CAMK1G: variants seen among roughly 807,000 people sequenced by gnomAD.
CAMK1G encodes calcium/calmodulin-dependent protein kinase type 1G.
Under a neutral mutation model 54.8 loss-of-function variants are expected in CAMK1G, and 27 were observed. That is an observed-to-expected ratio of 0.49 (90% CI 0.36 to 0.68). The LOEUF is 0.68. CAMK1G is among the 30% of genes least tolerant of loss of function. The pLI is 0.00. For synonymous variants in CAMK1G, 238 were observed against 224.9 expected, an observed-to-expected ratio of 1.06 and a Z score of -0.52; for missense variants, 512 against 591.0, an observed-to-expected ratio of 0.87 and a Z score of 1.39.
intron 2 of CAMK1G, among the ~76,000 whole-genome samples, chr1:209,598,015 C>T (rs1250128887): frequency 6.6e-6 from 1 of 152,162 alleles, no homozygotes; most frequent in East Asian, 1.9e-4. Context: ...ATTGATACTC[C>T]CACATTTCAG....
intron 8 of CAMK1G, 98 bp from the exon 9 acceptor site, chr1:209,609,753 T>C (rs941627849): frequency 2.8e-5 from 33 of 1,183,404 alleles, no homozygotes; most frequent in Non-Finnish European, 4.0e-5. Context: ...GAAGATCAGC[T>C]AAAGATGCAT....
At chr1:209,611,080 GGC>G (rs1665768563) in intron 9 of CAMK1G, among the ~76,000 whole-genome samples, 1 of 152,142 alleles carries the variant, frequency 6.6e-6, no homozygotes, top group Non-Finnish European at 1.5e-5. Flanking sequence ...AAATATTTTA[GGC>G]TTTCCTGGCC....
intron 2 of CAMK1G, among the ~76,000 whole-genome samples, chr1:209,597,100 C>A (rs1029600379): frequency 8.5e-5 from 13 of 152,098 alleles, no homozygotes; most frequent in African/African-American, 2.9e-4. Flanking sequence ...ACCAGTATTC[C>A]CAGGCTGCAG....
At chr1:209,588,999 G>A (rs898330489) in intron 1 of CAMK1G, among the ~76,000 whole-genome samples, 4 of 152,148 alleles carry the variant, frequency 2.6e-5, no homozygotes, top group South Asian at 4.1e-4. Flanking sequence ...AAGAGGCCAG[G>A]AAGTTCATCC....
chr1:209,601,895 G>A (rs986287927), intron 3 of CAMK1G, among the ~76,000 whole-genome samples: 14 of 152,204 alleles, frequency 9.2e-5, no homozygotes, highest in Admixed American at 9.2e-4. Context: ...TTTGAAAACT[G>A]GAATAAGCCA....
chr1:209,603,729 A>G (rs1044940205), intron 4 of CAMK1G, among the ~76,000 whole-genome samples: 7 of 152,186 alleles, frequency 4.6e-5, no homozygotes, highest in African/African-American at 1.7e-4. Flanking sequence ...TGTTAATCAA[A>G]TTGGATAGTA....
At chr1:209,608,005 C>T in intron 7 of CAMK1G, 72 bp downstream of exon 7, 2 of 1,193,728 alleles carry the variant, frequency 1.7e-6, no homozygotes, top group Non-Finnish European at 2.4e-6. Context: ...CGTTCCCTCC[C>T]CTGTCTCAGC....
intron 2 of CAMK1G, among the ~76,000 whole-genome samples, chr1:209,598,803 G>A (rs1665450451): frequency 6.6e-6 from 1 of 152,048 alleles, no homozygotes; most frequent in Non-Finnish European, 1.5e-5. Context: ...TTAGAAAAAC[G>A]TTTCAAAAAT....
In CAMK1G at chr1:209,612,772, A is replaced by G. The variant is rs1665813857; in HGVS notation, c.1341-13A>G. On this transcript the variant is annotated splice_polypyrimidine_tract_variant and intron_variant, in intron 11 of 12. Coordinates refer to ENST00000361322, the MANE Select transcript of CAMK1G (RefSeq NM_020439.3). ...CAAATACTTCAAAGGTTGTTGCTTC[A>G]TTTCCTTTCTAGGAACTTCAAGTCG... The G allele has an allele frequency of 1.9e-6, 3 of 1,613,062 alleles. No individual in the cohort carries two copies. Among genetic ancestry groups the G allele is most frequent in the Non-Finnish European group, 2.5e-6 (3 of 1,179,166 alleles).
intron 4 of CAMK1G, among the ~76,000 whole-genome samples, chr1:209,604,135 G>T (rs1251350280): frequency 6.6e-6 from 1 of 152,188 alleles, no homozygotes; most frequent in African/African-American, 2.4e-5. Context: ...TTGGCTGATG[G>T]GCTGATTACT....
intron 3 of CAMK1G, among the ~76,000 whole-genome samples, chr1:209,601,916 T>C (rs914745195): frequency 4.6e-5 from 7 of 152,174 alleles, no homozygotes; most frequent in African/African-American, 1.4e-4. Flanking sequence ...GCTGAAGTTA[T>C]CTAATTGCCT....
intron 4 of CAMK1G, among the ~76,000 whole-genome samples, chr1:209,603,881 G>A (rs967910202): frequency 2.4e-4 from 37 of 152,318 alleles, no homozygotes; most frequent in African/African-American, 8.7e-4. Context: ...TCCATCTGTA[G>A]GACAGAAGTG....
chr1:209,609,630 G>A (rs1018171169), intron 8 of CAMK1G, among the ~76,000 whole-genome samples: 5 of 152,234 alleles, frequency 3.3e-5, no homozygotes, highest in Admixed American at 1.3e-4. Context: ...CTTCTGCAGT[G>A]CTGTGTGGGT....
At position 209,607,926 on chromosome 1, in the gene CAMK1G, T is replaced by C. The variant is rs768334520; in HGVS notation, c.628T>C (p.Tyr210His). ...VDCWSIGVIT[Y>H]ILLCGYPPFY... Reference sequence around the variant, plus strand: ...TTGCTGGTCCATCGGCGTCATCACCTACATATTGTGAGTAGACGCTGGCCT... The same window carrying C: ...TTGCTGGTCCATCGGCGTCATCACCCACATATTGTGAGTAGACGCTGGCCT... Residue 210 changes from tyrosine to histidine, a missense_variant, in exon 7 of 13, where the codon TAC (tyrosine) becomes CAC (histidine). Tyr to His is a moderately conservative substitution (Grantham distance 83, BLOSUM62 2). This residue lies in a region of CAMK1G where 11 missense variants were observed against 29.1 expected (regional missense o/e 0.38). Transcript: ENST00000361322. 1.2e-6 allele frequency: 2 copies of C among 1,612,608 alleles called. No individual in the cohort carries two copies. The highest frequency in any genetic ancestry group is 1.7e-6 in the Non-Finnish European group (2 of 1,178,966).
intron 7 of CAMK1G, 75 bp from the exon 8 acceptor site, chr1:209,608,905 C>G: frequency 6.3e-7 from 1 of 1,589,824 alleles, no homozygotes; most frequent in Non-Finnish European, 8.6e-7. Flanking sequence ...ACAGTGGGAG[C>G]TTGGGGGAGC....
At chr1:209,605,214 A>G (rs544900474) in intron 4 of CAMK1G, among the ~76,000 whole-genome samples, 1 of 152,334 alleles carries the variant, frequency 6.6e-6, no homozygotes, top group East Asian at 1.9e-4. Flanking sequence ...CCAGGAAGGA[A>G]GGTGGCTAAG....
intron 9 of CAMK1G, among the ~76,000 whole-genome samples, chr1:209,610,549 T>C (rs1266843614): frequency 6.6e-6 from 1 of 152,102 alleles, no homozygotes; most frequent in Admixed American, 6.6e-5. Context: ...TATATCTGTC[T>C]CACCCCACAT....
chr1:209,588,264 G>A (rs534187380), intron 1 of CAMK1G, among the ~76,000 whole-genome samples: 1 of 152,304 alleles, frequency 6.6e-6, no homozygotes, highest in Non-Finnish European at 1.5e-5. Context: ...CCTCTGGTTT[G>A]TCCATGCCCA....
chr1:209,600,082 C>T lies in CAMK1G; in HGVS notation c.192C>T (p.Ser64=), dbSNP rs370000409. Residue 64 remains serine (S), a synonymous_variant, in exon 3 of 13, where the codon AGC becomes AGT. Coordinates refer to ENST00000361322, the MANE Select transcript of CAMK1G (RefSeq NM_020439.3). ...IKKSPAFRDS[S]LENEIAVLKK... ...AGTCACCTGCCTTCCGGGACAGCAG[C>T]CTGGAGAATGAGATTGCTGTGTTGA... is the stretch of plus-strand genomic sequence containing the variant. 3.7e-5 allele frequency: 59 copies of T among 1,613,868 alleles called. 1 individual carries two copies. The East Asian group carries it at 6.5e-4, about 18-fold the overall frequency.
Sources: gnomAD v4.1 joint callset for allele counts (sites outside exome capture counted in the v4.1 genomes callset) on GRCh38, gnomAD v4.1.1 for gene constraint, gnomAD v4.1.1 regional missense constraint, MANE v1.5 for transcripts, NCBI Gene and HGNC (gene_info 2026-07-23, HGNC 2026-07-21) for gene names.